The following SH3PXD2A variants were observed in gnomAD, a reference collection of about 807,000 sequenced individuals.
The protein encoded by SH3PXD2A is SH3 and PX domains 2A, also known as SH3 and PX domain-containing protein 2A.
In SH3PXD2A, 32 loss-of-function variants were observed where a neutral mutation model predicts 115.2. That is an observed-to-expected ratio of 0.28 (90% CI 0.21 to 0.37). SH3PXD2A has a LOEUF of 0.37. SH3PXD2A is among the 10% of genes least tolerant of loss of function. The probability of loss-of-function intolerance (pLI) is 1.00; values close to 1 mark genes in which losing one functional copy is unlikely to be tolerated. For missense variants in SH3PXD2A, 1,328 were observed against 1,498.7 expected (o/e 0.89, Z 1.88); for synonymous variants, 610 against 629.1 (o/e 0.97, Z 0.45).
chr10:103,773,224 CAAAAA>C (rs386372322), intron 2 of SH3PXD2A, among the ~76,000 whole-genome samples: 1 of 114,876 alleles, frequency 8.7e-6, no homozygotes. Flanking sequence ...AACTCTGTCT[CAAAAA>C]AAAAAAAAAA....
At chr10:103,622,631 G>T in intron 9 of SH3PXD2A, 78 bp from the exon 10 acceptor site, 1 of 865,542 alleles carries the variant, frequency 1.2e-6, no homozygotes, top group Non-Finnish European at 1.9e-6. Context: ...GAGATGGGAT[G>T]GGGGTGGGAG....
chr10:103,760,840 G>A (rs961524165), intron 3 of SH3PXD2A, among the ~76,000 whole-genome samples: 2 of 152,136 alleles, frequency 1.3e-5, no homozygotes, highest in African/African-American at 4.8e-5. Context: ...ATACAGGTAT[G>A]AGCCACTGTG....
intron 1 of SH3PXD2A, among the ~76,000 whole-genome samples, chr10:103,825,813 G>C (rs1159869957): frequency 1.4e-5 from 2 of 146,940 alleles, no homozygotes; most frequent in African/African-American, 5.0e-5. Context: ...ACCCAGGCTG[G>C]GGTGCAGTGG....
chr10:103,612,380 C>T (rs1228982053), intron 12 of SH3PXD2A, among the ~76,000 whole-genome samples: 3 of 152,182 alleles, frequency 2.0e-5, no homozygotes, highest in East Asian at 1.9e-4. Context: ...CCCAGAAAGA[C>T]GTTTCTCTAC....
intron 7 of SH3PXD2A, 50 bp downstream of exon 7, chr10:103,668,558 C>T (rs561706061): frequency 1.0e-5 from 15 of 1,498,778 alleles, no homozygotes; most frequent in African/African-American, 2.8e-5. Context: ...CCCGCGCACA[C>T]GGACCTGGAA....
intron 8 of SH3PXD2A, among the ~76,000 whole-genome samples, chr10:103,632,205 C>CT (rs2036790825): frequency 6.6e-6 from 1 of 152,098 alleles, no homozygotes; most frequent in African/African-American, 2.4e-5. Context: ...CACACCTCCC[C>CT]CAGCACACTT....
chr10:103,769,013 G>C (rs1229082929), intron 2 of SH3PXD2A, among the ~76,000 whole-genome samples: 1 of 151,896 alleles, frequency 6.6e-6, no homozygotes. Context: ...ATTCATGAGG[G>C]ATCAGCCCTC....
intron 1 of SH3PXD2A, among the ~76,000 whole-genome samples, chr10:103,832,731 C>T (rs1204431806): frequency 6.6e-6 from 1 of 152,100 alleles, no homozygotes; most frequent in East Asian, 1.9e-4. Flanking sequence ...GGAAGGGGAA[C>T]ATCACACACA....
chr10:103,633,907 G>A lies in SH3PXD2A; in HGVS notation c.605-6705C>T, dbSNP rs1285125572. 2.0e-5 allele frequency among the ~76,000 whole-genome samples: 3 copies of A among 152,158 alleles called. No homozygotes were observed. In the East Asian group the frequency reaches 5.8e-4, roughly 29 times the overall value. The stretch of plus-strand genomic sequence containing the variant: ...GCTTCTGGTGCAGCAGAGATGTTGA[G>A]ATGGGAAGAACTCAGAGACAACCCT... On this transcript the variant is annotated intron_variant, in intron 8 of 14. Coordinates refer to ENST00000369774, the MANE Select transcript of SH3PXD2A (RefSeq NM_001394015.1).
chr10:103,845,330 C>CAAAAAAAA (rs371956451), intron 1 of SH3PXD2A, among the ~76,000 whole-genome samples: 2 of 37,862 alleles, frequency 5.3e-5, no homozygotes, highest in Non-Finnish European at 7.9e-5. Flanking sequence ...GACTTCATCT[C>CAAAAAAAA]AAAAAAAAAA....
At chr10:103,724,794 A>C (rs1346532619) in intron 4 of SH3PXD2A, among the ~76,000 whole-genome samples, 1 of 152,254 alleles carries the variant, frequency 6.6e-6, no homozygotes, top group South Asian at 2.1e-4. Context: ...CTTAAACAAA[A>C]AAAAAAAGAC....
chr10:103,648,039 C>T (rs759784576), intron 8 of SH3PXD2A, among the ~76,000 whole-genome samples: 10 of 152,156 alleles, frequency 6.6e-5, no homozygotes, highest in African/African-American at 1.9e-4. Flanking sequence ...TATCCCTGCC[C>T]GACTTCCTTC....
intron 6 of SH3PXD2A, chr10:103,678,131 C>A (rs190242108): frequency 7.8e-7 from 1 of 1,289,094 alleles, no homozygotes; most frequent in Non-Finnish European, 1.0e-6. Context: ...AAACAGGAGC[C>A]GGAGCAGGAA....
chr10:103,722,761 T>G (rs2038197622), intron 5 of SH3PXD2A, among the ~76,000 whole-genome samples: 1 of 152,174 alleles, frequency 6.6e-6, no homozygotes, highest in Non-Finnish European at 1.5e-5. Context: ...GCAGCAGAAC[T>G]GGGACGTGAA....
intron 8 of SH3PXD2A, among the ~76,000 whole-genome samples, chr10:103,639,820 T>C (rs1446993592): frequency 6.6e-6 from 1 of 151,740 alleles, no homozygotes; most frequent in Non-Finnish European, 1.5e-5. Flanking sequence ...ATGTGGATGG[T>C]GAGAGAGACC....
chr10:103,676,376 G>C (rs2134094774), intron 6 of SH3PXD2A, among the ~76,000 whole-genome samples: 1 of 152,300 alleles, frequency 6.6e-6, no homozygotes, highest in African/African-American at 2.4e-5. Flanking sequence ...ATGGGGTGCA[G>C]TGGGGGCTGG....
intron 4 of SH3PXD2A, among the ~76,000 whole-genome samples, chr10:103,734,158 G>A (rs571801370): frequency 3.3e-5 from 5 of 152,244 alleles, no homozygotes; most frequent in Admixed American, 6.5e-5. Context: ...AGTGGGCACC[G>A]GGATTCGACT....
chr10:103,657,467 G>A (rs1369637869), intron 8 of SH3PXD2A, among the ~76,000 whole-genome samples: 1 of 152,202 alleles, frequency 6.6e-6, no homozygotes, highest in Non-Finnish European at 1.5e-5. Flanking sequence ...GGGTAGAGGG[G>A]TTTCCAAAGA....
chr10:103,743,766 A>T (rs2134195016), intron 3 of SH3PXD2A, among the ~76,000 whole-genome samples: 1 of 148,266 alleles, frequency 6.7e-6, no homozygotes, highest in South Asian at 2.1e-4. Context: ...ACAAACTCAC[A>T]ATCTACTTCT....
Sources: gnomAD v4.1 joint callset for allele counts (sites outside exome capture counted in the v4.1 genomes callset) on GRCh38, gnomAD v4.1.1 for gene constraint, MANE v1.5 for transcripts, NCBI Gene and HGNC (gene_info 2026-07-23, HGNC 2026-07-21) for gene names.